The following UBR2 variants were observed in gnomAD, a reference collection of about 807,000 sequenced individuals.
UBR2 encodes the protein E3 ubiquitin-protein ligase UBR2.
In UBR2, 92 loss-of-function variants were observed where a neutral mutation model predicts 247.9. The observed-to-expected ratio is 0.37, with a 90% CI of 0.31 to 0.44. The LOEUF is 0.44. UBR2 is among the 20% of genes least tolerant of loss of function. The pLI is 1.00. For synonymous variants in UBR2, 672 were observed against 693.5 expected (o/e 0.97, Z 0.49); for missense variants, 1,613 against 2,112.6 (o/e 0.76, Z 4.64).
Position 42,592,151 on chromosome 6 carries a change from A to G in UBR2, c.339A>G (p.Arg113=). The change falls in exon 3 of 47, where the codon AGA becomes AGG. Residue 113 remains arginine, a splice_region_variant and synonymous_variant. Transcript: ENST00000372901. ...TGATTTTTTTTTTTTAACTTTACAG[A>G]GACTGTGCAGTTGATCCAACTTGTG... ...FKVGEPTYSC[R]DCAVDPTCVL... 1 of 1,600,866 alleles carries G rather than the reference A, an allele frequency of 6.2e-7. No individual in the cohort carries two copies. The highest frequency in any genetic ancestry group is 8.5e-7 in the Non-Finnish European group (1 of 1,176,274).
In UBR2 at chr6:42,642,557, C is replaced by T. The variant is rs1796510918; in HGVS notation, c.2097+76C>T. The T allele has an allele frequency of 4.1e-6, 5 of 1,230,502 alleles. No homozygotes were observed. In the East Asian group the frequency reaches 1.0e-4, roughly 25 times the overall value. 76.2% of individuals were successfully genotyped at this position (1,230,502 alleles called of 1,614,324 possible). ...TTGTTATTTCCATAGAATTCAGTCACTTGTGATCACTCCCAAATCTACAAC... is the reference window on the plus strand; with the variant it reads ...TTGTTATTTCCATAGAATTCAGTCATTTGTGATCACTCCCAAATCTACAAC... On this transcript the variant is annotated intron_variant, in intron 18 of 46. Coordinates refer to ENST00000372901, the MANE Select transcript of UBR2 (RefSeq NM_001363705.2).
chr6:42,596,930 G>T (rs892985581), intron 4 of UBR2, among the ~76,000 whole-genome samples: 1 of 152,138 alleles, frequency 6.6e-6, no homozygotes, highest in African/African-American at 2.4e-5. Context: ...TATAATAAAT[G>T]TACCAAGTAC....
chr6:42,589,139 A>G (rs1792491913), intron 2 of UBR2, among the ~76,000 whole-genome samples: 1 of 152,080 alleles, frequency 6.6e-6, no homozygotes, highest in African/African-American at 2.4e-5. Flanking sequence ...GCTAATTTTT[A>G]TAAAAAATTT....
At chr6:42,688,135 C>A in intron 44 of UBR2, 81 bp from the exon 45 acceptor site, 1 of 1,564,542 alleles carries the variant, frequency 6.4e-7, no homozygotes, top group Non-Finnish European at 8.8e-7. Context: ...TTGCAGAATT[C>A]TTTTCTGGGC....
intron 15 of UBR2, among the ~76,000 whole-genome samples, chr6:42,639,790 A>T (rs1582616284): frequency 6.6e-6 from 1 of 152,352 alleles, no homozygotes; most frequent in East Asian, 1.9e-4. Flanking sequence ...TTAAAATGTC[A>T]TTGGTGTGTA....
intron 1 of UBR2, 51 bp from the exon 2 acceptor site, chr6:42,573,683 A>G: frequency 7.0e-7 from 1 of 1,432,492 alleles, no homozygotes. Flanking sequence ...AATTTGTTCA[A>G]ATTAGTTTGT....
In UBR2 at chr6:42,665,476, G is replaced by A. The variant is rs1352056154; in HGVS notation, c.3766G>A (p.Ala1256Thr). Residue 1256 changes from alanine (A) to threonine (T), a missense_variant, in exon 33 of 47, where the codon GCA becomes ACA. Ala to Thr is a moderately conservative substitution (Grantham distance 58). This residue lies in a region of UBR2 where 1,524 missense variants were observed against 1,967.3 expected (regional missense o/e 0.77). Transcript: ENST00000372901. ...TAGAACAATATCTCAGCAAATAAAAGCATTACAGTTTCTTAGGAAAGAAGA... is the reference window on the plus strand; with the variant it reads ...TAGAACAATATCTCAGCAAATAAAAACATTACAGTTTCTTAGGAAAGAAGA... ...WIRTISQQIKALQFLRKEEST... is the reference protein window; with the variant it reads ...WIRTISQQIKTLQFLRKEEST... The A allele has an allele frequency of 6.2e-7, 1 of 1,612,720 alleles. No individual in the cohort carries two copies. The highest frequency in any genetic ancestry group is 8.5e-7 in the Non-Finnish European group (1 of 1,179,400).
intron 40 of UBR2, among the ~76,000 whole-genome samples, chr6:42,677,677 G>A (rs1798792667): frequency 6.6e-6 from 1 of 152,116 alleles, no homozygotes; most frequent in Non-Finnish European, 1.5e-5. Flanking sequence ...TTCTCAGGAG[G>A]TTGAGGTAGT....
At chr6:42,684,612 A>G (rs544312581) in intron 43 of UBR2, among the ~76,000 whole-genome samples, 182 bp from the exon 44 acceptor site, 1 of 151,868 alleles carries the variant, frequency 6.6e-6, no homozygotes, top group Non-Finnish European at 1.5e-5. Flanking sequence ...AAAACAAAAA[A>G]AAAACTGTCT....
At chr6:42,598,133 C>G (rs537283434) in intron 4 of UBR2, among the ~76,000 whole-genome samples, 1 of 152,150 alleles carries the variant, frequency 6.6e-6, no homozygotes, top group African/African-American at 2.4e-5. Context: ...GATATTTCTT[C>G]ATTGTATAGG....
At position 42,677,548 on chromosome 6, in the gene UBR2, C is replaced by G. The variant is rs186797406; in HGVS notation, c.4478+675C>G. 9.2e-3 allele frequency among the ~76,000 whole-genome samples: 1,399 copies of G among 152,296 alleles called. 79 individuals are homozygous for G. The highest frequency in any genetic ancestry group is 0.081 in the Admixed American group (1,237 of 15,286). On this transcript the variant is annotated intron_variant, in intron 40 of 46. Transcript: ENST00000372901. ...ATCCCAGCACTTTGGGAGAATGAGG[C>G]TGGCAGATTGCTTGAGCCCAGGCAT...
chr6:42,612,180 A>G lies in UBR2; in HGVS notation c.874A>G (p.Ser292Gly), dbSNP rs1794134191. The G allele has an allele frequency of 6.5e-7, 1 of 1,529,628 alleles. No individual in the cohort carries two copies. 94.8% of individuals were successfully genotyped at this position (1,529,628 alleles called of 1,614,324 possible). Residue 292 changes from serine to glycine, a missense_variant, in exon 8 of 47, where the codon AGT (serine) becomes GGT (glycine). By Grantham distance (56) the Ser-to-Gly change is moderately conservative. Transcript: ENST00000372901. Reference sequence around the variant, plus strand: ...GCCATTTCTTTTTAAGAGAAATACCAGTAGACAGACAAAGCCACTCAAAGT... The same window carrying G: ...GCCATTTCTTTTTAAGAGAAATACCGGTAGACAGACAAAGCCACTCAAAGT... ...QAKSVIVRNTSRQTKPLKVQV... is the reference protein window; with the variant it reads ...QAKSVIVRNTGRQTKPLKVQV...
In UBR2 at chr6:42,665,480, T is replaced by TA; in HGVS notation, c.3771dup (p.Gln1258ThrfsTer4). The TA allele has an allele frequency of 6.2e-7, 1 of 1,612,776 alleles. No individual in the cohort carries two copies. Among genetic ancestry groups the TA allele is most frequent in the Non-Finnish European group, 8.5e-7 (1 of 1,179,348 alleles). On this transcript the variant is annotated frameshift_variant, in exon 33 of 47. Transcript: ENST00000372901. LOFTEE classifies it high-confidence loss of function. Reference sequence around the variant, plus strand: ...ACAATATCTCAGCAAATAAAAGCATTACAGTTTCTTAGGAAAGAAGAAAGT... The same window carrying TA: ...ACAATATCTCAGCAAATAAAAGCATTAACAGTTTCTTAGGAAAGAAGAAAGT...
At chr6:42,663,191 G>A in intron 31 of UBR2, 67 bp from the exon 32 acceptor site, 1 of 1,268,930 alleles carries the variant, frequency 7.9e-7, no homozygotes, top group African/African-American at 1.5e-5. Flanking sequence ...TTTAAATGTT[G>A]AAGCTTATGG....
chr6:42,609,111 G>A lies in UBR2; in HGVS notation c.864+2460G>A, dbSNP rs115243223. Among the ~76,000 whole-genome samples, 639 of 152,288 alleles carry A rather than the reference G, an allele frequency of 4.2e-3. 5 individuals are homozygous for A. The highest frequency in any genetic ancestry group is 0.014 in the African/African-American group (569 of 41,568). ...TGAAGTTAGAGTGATAAAATATCTT[G>A]AAGAGATGCAAAGACTGGGAATACA... On this transcript the variant is annotated intron_variant, in intron 7 of 46. Coordinates refer to ENST00000372901, the MANE Select transcript of UBR2 (RefSeq NM_001363705.2).
At chr6:42,610,374 T>C (rs1236864794) in intron 7 of UBR2, among the ~76,000 whole-genome samples, 1 of 152,144 alleles carries the variant, frequency 6.6e-6, no homozygotes, top group South Asian at 2.1e-4. Flanking sequence ...TTCAAAGAGA[T>C]ATTTTACACC....
At chr6:42,574,359 G>A (rs1182700496) in intron 2 of UBR2, among the ~76,000 whole-genome samples, 2 of 152,130 alleles carry the variant, frequency 1.3e-5, no homozygotes, top group African/African-American at 2.4e-5. Flanking sequence ...ACACCATCTT[G>A]TCTTTTTCAC....
chr6:42,605,780 A>G lies in UBR2; in HGVS notation c.722A>G (p.Gln241Arg). 6.2e-7 allele frequency: 1 copy of G among 1,613,282 alleles called. No individual in the cohort carries two copies. Among genetic ancestry groups the G allele is most frequent in the Non-Finnish European group, 8.5e-7 (1 of 1,179,660 alleles). ...AATGATGAGGTTCACACCTATGAAC[A>G]AGTTATTTATACTCTTCAGAAAGCT... ...LFNDEVHTYEQVIYTLQKAVN... is the reference protein window; with the variant it reads ...LFNDEVHTYERVIYTLQKAVN... Residue 241 changes from glutamine (Q) to arginine (R), a missense_variant, in exon 6 of 47, where the codon CAA becomes CGA. This residue lies in a region of UBR2 where 1,524 missense variants were observed against 1,967.3 expected (regional missense o/e 0.77). Transcript: ENST00000372901.
At chr6:42,601,711 A>G (rs568886240) in intron 4 of UBR2, among the ~76,000 whole-genome samples, 84 of 151,194 alleles carry the variant, frequency 5.6e-4, no homozygotes, top group African/African-American at 1.9e-3. Context: ...AAAAACCTCA[A>G]TGGGACATAT....
Sources: allele counts gnomAD v4.1 joint callset (sites outside exome capture counted in the v4.1 genomes callset), GRCh38; gene constraint gnomAD v4.1.1; regional missense constraint gnomAD v4.1.1; transcripts MANE v1.5; gene names NCBI Gene and HGNC (gene_info 2026-07-23, HGNC 2026-07-21).